The following NFIB variants were observed in gnomAD, a reference collection of about 807,000 sequenced individuals.
The protein encoded by NFIB is nuclear factor 1 B-type.
NFIB carries 11 observed loss-of-function variants against 61.5 expected under a neutral mutation model. The observed-to-expected ratio is 0.18, with a 90% CI of 0.11 to 0.30. NFIB has a LOEUF of 0.30. Among genes scored for constraint, NFIB ranks in the 10% least tolerant of loss-of-function variants. The pLI is 1.00. For missense variants in NFIB, 471 were observed against 608.9 expected, an observed-to-expected ratio of 0.77 and a Z score of 2.38; for synonymous variants, 260 against 216.5, an observed-to-expected ratio of 1.20 and a Z score of -1.76.
chr9:14,492,363 AAAATAAAT>A, the NFIB span, among the ~76,000 whole-genome samples: 6 of 147,990 alleles, frequency 4.1e-5, no homozygotes, highest in East Asian at 2.0e-4. Flanking sequence ...ACTTTGCCTC[AAAATAAAT>A]AAATAAATAA....
intron 1 of NFIB, among the ~76,000 whole-genome samples, chr9:14,382,345 T>TGAGAGAGAGA (rs111564800): frequency 1.1e-4 from 16 of 149,318 alleles, no homozygotes; most frequent in African/African-American, 3.7e-4. Context: ...CAGAAAGTGA[T>TGAGAGAGAGA]GAGAGAGAGA....
intron 2 of NFIB, among the ~76,000 whole-genome samples, chr9:14,190,479 T>C (rs974966747): frequency 2.0e-5 from 3 of 152,194 alleles, no homozygotes; most frequent in African/African-American, 7.2e-5. Flanking sequence ...ATGTGGCAGA[T>C]AATAGTATTA....
chr9:14,295,290 A>C (rs1287023151), intron 2 of NFIB, among the ~76,000 whole-genome samples: 1 of 152,180 alleles, frequency 6.6e-6, no homozygotes, highest in Non-Finnish European at 1.5e-5. Context: ...ATACTTTCGG[A>C]CTTTAAAAAG....
At chr9:14,292,721 G>A (rs10121140) in intron 2 of NFIB, among the ~76,000 whole-genome samples, 47,124 of 151,982 alleles carry the variant, frequency 0.31, 7,792 homozygotes, top group East Asian at 0.5. Flanking sequence ...ACTATATGGC[G>A]TAGAGTGAAT....
the NFIB span, among the ~76,000 whole-genome samples, chr9:14,421,126 G>GT: frequency 6.7e-6 from 1 of 149,166 alleles, no homozygotes; most frequent in Non-Finnish European, 1.5e-5. Flanking sequence ...GTGCAAAACT[G>GT]TAGCATTCAT....
At chr9:14,176,016 T>C (rs2046150185) in intron 3 of NFIB, among the ~76,000 whole-genome samples, 1 of 152,154 alleles carries the variant, frequency 6.6e-6, no homozygotes, top group Non-Finnish European at 1.5e-5. Context: ...AAGATCATAG[T>C]CCAAAGAATG....
chr9:14,425,330 G>C, the NFIB span, among the ~76,000 whole-genome samples: 1 of 152,076 alleles, frequency 6.6e-6, no homozygotes, highest in Admixed American at 6.6e-5. Flanking sequence ...AGAGAAGCTG[G>C]TACACAAGGT....
At chr9:14,427,989 G>C in the NFIB span, among the ~76,000 whole-genome samples, 7 of 102,852 alleles carry the variant, frequency 6.8e-5, no homozygotes, top group African/African-American at 2.6e-4. Flanking sequence ...CTGTCACTCA[G>C]GCCAGAATAC....
At chr9:14,333,013 T>A (rs1334314769) in intron 1 of NFIB, among the ~76,000 whole-genome samples, 1 of 152,118 alleles carries the variant, frequency 6.6e-6, no homozygotes, top group East Asian at 1.9e-4. Context: ...TCAGGGGTAT[T>A]CAGGGGTATC....
At chr9:14,408,516 G>T in the NFIB span, among the ~76,000 whole-genome samples, 1 of 152,158 alleles carries the variant, frequency 6.6e-6, no homozygotes, top group Non-Finnish European at 1.5e-5. Flanking sequence ...AAAAAAAGGG[G>T]ACAAAGGGAA....
intron 2 of NFIB, among the ~76,000 whole-genome samples, chr9:14,201,409 A>T (rs907847577): frequency 1.4e-4 from 22 of 152,292 alleles, no homozygotes; most frequent in African/African-American, 5.1e-4. Context: ...GTCCTAGAAT[A>T]TGCCGTGCAA....
chr9:14,314,118 G>A lies in NFIB; in HGVS notation c.-607C>T. 3.9e-6 allele frequency: 4 copies of A among 1,034,172 alleles called. No individual in the cohort carries two copies. The highest frequency in any genetic ancestry group is 4.6e-6 in the Non-Finnish European group (4 of 860,628). The allele number at this position is 1,034,172 out of a possible 1,614,324, so 64.1% of individuals were successfully genotyped here. On this transcript the variant is annotated 5_prime_UTR_variant, in exon 1 of 11. Transcript: ENST00000380953. ...TGCCGCGAGCCGACCATGTGTGTGC[G>A]CGAGGGGCAGCGTGAGCGAGTGCGC...
At chr9:14,216,532 CTCTCTCTCTCCCTCTGTG>C (rs1230589534) in intron 2 of NFIB, among the ~76,000 whole-genome samples, 20 of 38,846 alleles carry the variant, frequency 5.1e-4, no homozygotes, top group African/African-American at 2.6e-3. Context: ...CTCTCTCTCT[CTCTCTCTCTCCCTCTGTG>C]TGTGTGTGTG....
At chr9:14,237,842 AGTGTGTGTGT>A (rs200054648) in intron 2 of NFIB, among the ~76,000 whole-genome samples, 1,075 of 52,544 alleles carry the variant, frequency 0.02, 73 homozygotes, top group African/African-American at 0.063. Flanking sequence ...TAGGTATAAC[AGTGTGTGTGT>A]GTGTGTGTGT....
At chr9:14,171,179 G>A (rs1302249447) in intron 3 of NFIB, among the ~76,000 whole-genome samples, 1 of 152,110 alleles carries the variant, frequency 6.6e-6, no homozygotes, top group Non-Finnish European at 1.5e-5. Context: ...AACCCCTGAT[G>A]ACTCACTACT....
chr9:14,364,888 G>A (rs1259837610), intron 1 of NFIB, among the ~76,000 whole-genome samples: 1 of 152,194 alleles, frequency 6.6e-6, no homozygotes, highest in Non-Finnish European at 1.5e-5. Context: ...AGAGGGTAAT[G>A]GAGGAACAAG....
the NFIB span, among the ~76,000 whole-genome samples, chr9:14,460,375 G>A: frequency 6.8e-6 from 1 of 146,240 alleles, no homozygotes; most frequent in Non-Finnish European, 1.5e-5. Context: ...TTGCGGGGTG[G>A]GGGGAGGGAG....
intron 1 of NFIB, among the ~76,000 whole-genome samples, chr9:14,358,584 C>T (rs1246360245): frequency 5.3e-5 from 8 of 152,180 alleles, no homozygotes; most frequent in African/African-American, 1.2e-4. Context: ...GAGGTGGATT[C>T]GTTGTTTTTG....
intron 2 of NFIB, among the ~76,000 whole-genome samples, chr9:14,294,818 G>A (rs909795309): frequency 1.3e-5 from 2 of 152,146 alleles, no homozygotes; most frequent in Non-Finnish European, 2.9e-5. Flanking sequence ...ACGTCAATGT[G>A]ACACGTGATT....
Sources: allele counts gnomAD v4.1 joint callset (sites outside exome capture counted in the v4.1 genomes callset), GRCh38; gene constraint gnomAD v4.1.1; transcripts MANE v1.5; gene names NCBI Gene and HGNC (gene_info 2026-07-23, HGNC 2026-07-21).